The following FBXL7 variants were observed in gnomAD, a reference collection of about 807,000 sequenced individuals.
FBXL7 encodes the protein F-box/LRR-repeat protein 7.
Under a neutral mutation model 38.3 loss-of-function variants are expected in FBXL7, and 12 were observed. That is an observed-to-expected ratio of 0.31 (90% confidence interval 0.20 to 0.51). FBXL7 has a LOEUF of 0.51. Ranked by LOEUF, FBXL7 falls within the 20% of genes least tolerant of loss-of-function variation. The probability of loss-of-function intolerance (pLI) is 0.98; values close to 1 mark genes in which losing one functional copy is unlikely to be tolerated. For missense variants in FBXL7, 567 were observed against 676.4 expected, an observed-to-expected ratio of 0.84 and a Z score of 1.79; for synonymous variants, 297 against 300.9, an observed-to-expected ratio of 0.99 and a Z score of 0.13.
At chr5:15,774,365 A>G (rs1363201392) in intron 2 of FBXL7, among the ~76,000 whole-genome samples, 2 of 152,204 alleles carry the variant, frequency 1.3e-5, no homozygotes, top group Non-Finnish European at 2.9e-5. Context: ...GGGAAGAAGC[A>G]TATTCCCAAG....
chr5:15,824,722 A>G lies in FBXL7; in HGVS notation c.128-103168A>G, dbSNP rs547654710. The stretch of plus-strand genomic sequence containing the variant: ...GCTTGGTCTTAAAAAACCCAGTCTC[A>G]CCCACTGAGTCATGTTGGAAAACAC... On this transcript the variant is annotated intron_variant, in intron 2 of 3. Coordinates refer to ENST00000504595, the MANE Select transcript of FBXL7 (RefSeq NM_012304.5). Among the ~76,000 whole-genome samples the G allele has an allele frequency of 7.9e-5, 12 of 152,202 alleles. No individual in the cohort carries two copies. In the East Asian group the frequency reaches 1.5e-3, roughly 20 times the overall value.
intron 1 of FBXL7, chr5:15,501,469 G>A: frequency 1.0e-6 from 1 of 985,522 alleles, no homozygotes; most frequent in Non-Finnish European, 1.2e-6. Flanking sequence ...CCAATTAGCA[G>A]CTAGCCCCTG....
chr5:15,872,066 C>G (rs1303704823), intron 2 of FBXL7, among the ~76,000 whole-genome samples: 1 of 152,166 alleles, frequency 6.6e-6, no homozygotes, highest in Non-Finnish European at 1.5e-5. Context: ...AAAGGGAAGT[C>G]CAGCAGACTA....
At chr5:15,865,702 C>G (rs969151290) in intron 2 of FBXL7, among the ~76,000 whole-genome samples, 1 of 151,986 alleles carries the variant, frequency 6.6e-6, no homozygotes. Flanking sequence ...TCCCCTTCTT[C>G]TTCCCTCCTC....
chr5:15,755,543 C>T (rs1457510264), intron 2 of FBXL7, among the ~76,000 whole-genome samples: 1 of 152,184 alleles, frequency 6.6e-6, no homozygotes, highest in East Asian at 1.9e-4. Flanking sequence ...GCAGTTTCTG[C>T]ACACCAACAA....
chr5:15,515,479 GT>G (rs1164867272), intron 1 of FBXL7, among the ~76,000 whole-genome samples: 1 of 152,106 alleles, frequency 6.6e-6, no homozygotes, highest in Non-Finnish European at 1.5e-5. Context: ...TGCCTGATCC[GT>G]TTGCTCAACT....
chr5:15,569,275 GT>G (rs1738687639), intron 1 of FBXL7, among the ~76,000 whole-genome samples: 1 of 151,304 alleles, frequency 6.6e-6, no homozygotes, highest in Admixed American at 6.6e-5. Flanking sequence ...TTGAGCAGTG[GT>G]TTGTAGTTCT....
chr5:15,934,661 A>T lies in FBXL7; in HGVS notation c.740-1789A>T, dbSNP rs192516252. On this transcript the variant is annotated intron_variant, in intron 3 of 3. Coordinates refer to ENST00000504595, the MANE Select transcript of FBXL7 (RefSeq NM_012304.5). ...TCGTGATTCAACACAAATAAAAGACATTATCATTAACTATAAAACAGACAA... is the reference window on the plus strand; with the variant it reads ...TCGTGATTCAACACAAATAAAAGACTTTATCATTAACTATAAAACAGACAA... 2.0e-5 allele frequency among the ~76,000 whole-genome samples: 3 copies of T among 152,308 alleles called. No homozygotes were observed. In the East Asian group the frequency reaches 5.8e-4, roughly 29 times the overall value.
At chr5:15,657,387 A>G (rs368496254) in intron 2 of FBXL7, among the ~76,000 whole-genome samples, 3 of 152,260 alleles carry the variant, frequency 2.0e-5, no homozygotes, top group South Asian at 4.1e-4. Flanking sequence ...ACAAGAAAAC[A>G]TAGTACCGGC....
intron 2 of FBXL7, among the ~76,000 whole-genome samples, chr5:15,786,199 T>C (rs1737128665): frequency 6.6e-6 from 1 of 152,194 alleles, no homozygotes; most frequent in Admixed American, 6.5e-5. Flanking sequence ...TCAGTAATCA[T>C]TGTACTGTTT....
At chr5:15,501,959 T>A (rs1736501895) in intron 1 of FBXL7, among the ~76,000 whole-genome samples, 1 of 151,880 alleles carries the variant, frequency 6.6e-6, no homozygotes, top group South Asian at 2.1e-4. Flanking sequence ...ATTTTTTTTT[T>A]AAAGTTAAAG....
At chr5:15,560,319 T>A (rs1300536146) in intron 1 of FBXL7, among the ~76,000 whole-genome samples, 2 of 152,196 alleles carry the variant, frequency 1.3e-5, no homozygotes, top group African/African-American at 4.8e-5. Context: ...TAATAGTTAG[T>A]TAAAATGCTT....
intron 2 of FBXL7, among the ~76,000 whole-genome samples, chr5:15,777,935 CATA>C (rs1479928378): frequency 1.6e-4 from 25 of 151,954 alleles, no homozygotes; most frequent in Admixed American, 1.6e-3. Context: ...ATCAGCTAAA[CATA>C]ATAAACCTGC....
chr5:15,930,078 G>A (rs1024629371), intron 3 of FBXL7, among the ~76,000 whole-genome samples: 2 of 152,160 alleles, frequency 1.3e-5, no homozygotes, highest in Non-Finnish European at 2.9e-5. Context: ...TCCCGTGCTG[G>A]AGAGCAGCTC....
In FBXL7 at chr5:15,889,911, C is replaced by A. The variant is rs1053703229; in HGVS notation, c.128-37979C>A. Among the ~76,000 whole-genome samples, 3 of 152,070 alleles carry A rather than the reference C, an allele frequency of 2.0e-5. No individual in the cohort carries two copies. In the East Asian group the frequency reaches 5.8e-4, roughly 29 times the overall value. Reference sequence around the variant, plus strand: ...ACAAACAATACACAAACAAAAAAAACCAGGTGCTATAACCCAGGCTGACTT... The same window carrying A: ...ACAAACAATACACAAACAAAAAAAAACAGGTGCTATAACCCAGGCTGACTT... On this transcript the variant is annotated intron_variant, in intron 2 of 3. Coordinates refer to ENST00000504595, the MANE Select transcript of FBXL7 (RefSeq NM_012304.5).
Position 15,577,966 on chromosome 5 carries a change from T to G in FBXL7, c.38-38017T>G, listed in dbSNP as rs74753250. 1.9e-3 allele frequency among the ~76,000 whole-genome samples: 293 copies of G among 152,332 alleles called. 8 individuals carry two copies. The East Asian group carries it at 0.048, about 25-fold the overall frequency. On this transcript the variant is annotated intron_variant, in intron 1 of 3. Transcript: ENST00000504595. ...ATTGCAGATTGACATGGAGCTGTTC[T>G]TCTGCAGCACCTGTGGGCTTTGTTC...
At chr5:15,577,892 C>T (rs1473682360) in intron 1 of FBXL7, among the ~76,000 whole-genome samples, 1 of 152,106 alleles carries the variant, frequency 6.6e-6, no homozygotes, top group Non-Finnish European at 1.5e-5. Context: ...TGTTTCCTAC[C>T]TGTAATTATA....
intron 2 of FBXL7, among the ~76,000 whole-genome samples, chr5:15,744,877 C>G (rs1207697920): frequency 6.6e-6 from 1 of 151,854 alleles, no homozygotes; most frequent in Non-Finnish European, 1.5e-5. Flanking sequence ...AAGTGCTGAG[C>G]AAAAAGGGGA....
intron 2 of FBXL7, among the ~76,000 whole-genome samples, chr5:15,891,677 TG>T (rs1240212233): frequency 1.3e-5 from 2 of 152,172 alleles, no homozygotes; most frequent in African/African-American, 4.8e-5. Context: ...GAGGTTATTC[TG>T]GAAGGCTTCC....
Sources: gnomAD v4.1 joint callset for allele counts (sites outside exome capture counted in the v4.1 genomes callset) on GRCh38, gnomAD v4.1.1 for gene constraint, MANE v1.5 for transcripts, NCBI Gene and HGNC (gene_info 2026-07-23, HGNC 2026-07-21) for gene names.